The following ADAMTSL1 variants were observed in gnomAD, a reference collection of about 807,000 sequenced individuals.
The protein encoded by ADAMTSL1 is ADAMTS-like protein 1.
A neutral mutation model predicts 201.8 loss-of-function variants in ADAMTSL1; 126 were observed. That is an observed-to-expected ratio of 0.62 (90% confidence interval 0.54 to 0.72). The LOEUF (loss-of-function observed/expected upper bound fraction) is 0.72, where lower values mean the gene tolerates loss of function less well. Ranked by LOEUF, ADAMTSL1 falls within the 30% of genes least tolerant of loss-of-function variation. ADAMTSL1 has a pLI of 0.00. For missense variants in ADAMTSL1, 2,679 were observed against 2,277.8 expected (o/e 1.18, Z -3.59); for synonymous variants, 1,121 against 903.4 (o/e 1.24, Z -4.32).
rs371891851 is a variant in ADAMTSL1 at position 18,609,713 on chromosome 9, T to TC, written c.475-12522dup. Among the ~76,000 whole-genome samples the TC allele has an allele frequency of 6.1e-4, 93 of 151,340 alleles. 1 individual carries two copies. Among genetic ancestry groups the TC allele is most frequent in the South Asian group, 2.5e-3 (12 of 4,776 alleles). ...CTGCTATTTGCACAGTGACTACATA[T>TC]CCCCCCCCTAAAATAATCAACACAC... On this transcript the variant is annotated intron_variant, in intron 4 of 28. Coordinates refer to ENST00000380548, the MANE Select transcript of ADAMTSL1 (RefSeq NM_001040272.6).
chr9:17,946,791 T>G (rs138635410), intron 1 of ADAMTSL1, among the ~76,000 whole-genome samples: 3 of 152,286 alleles, frequency 2.0e-5, no homozygotes, highest in Non-Finnish European at 4.4e-5. Context: ...GTCTTCCTGT[T>G]TATAAGCTGT....
At chr9:18,284,386 A>G (rs1459879047) in intron 2 of ADAMTSL1, among the ~76,000 whole-genome samples, 3 of 151,986 alleles carry the variant, frequency 2.0e-5, no homozygotes, top group Non-Finnish European at 4.4e-5. Context: ...TAGCAGTTAA[A>G]TTTTTTCTAC....
chr9:18,454,924 A>G (rs187468924), intron 2 of ADAMTSL1, among the ~76,000 whole-genome samples: 32 of 152,294 alleles, frequency 2.1e-4, no homozygotes, highest in African/African-American at 7.5e-4. Flanking sequence ...TTATTGCTCC[A>G]CATATGGAGG....
intron 23 of ADAMTSL1, among the ~76,000 whole-genome samples, chr9:18,848,485 T>C (rs1213448287): frequency 3.3e-5 from 5 of 152,200 alleles, no homozygotes; most frequent in African/African-American, 4.8e-5. Context: ...AATTCCTTTG[T>C]TCCAGTCAAA....
At chr9:18,444,461 A>T (rs1256191774) in intron 2 of ADAMTSL1, among the ~76,000 whole-genome samples, 2 of 152,182 alleles carry the variant, frequency 1.3e-5, no homozygotes, top group Non-Finnish European at 2.9e-5. Context: ...GTTGACTTAC[A>T]TGTGAACAAA....
rs182641842 is a variant in ADAMTSL1 at position 18,574,179 on chromosome 9, C to T, written c.387C>T (p.Thr129=). 108 of 1,614,112 alleles carry T rather than the reference C, an allele frequency of 6.7e-5. No individual in the cohort carries two copies. In the Admixed American group the frequency reaches 1.7e-3, roughly 26 times the overall value. ...TCAAGTGCCAAGCCAAAGGAACAAC[C>T]CTGGTTGTTGAACTAGCACCTAAGG... The part of the protein sequence containing the change: ...CSLKCQAKGT[T]LVVELAPKVL... The change falls in exon 4 of 29, where the codon ACC becomes ACT. Residue 129 remains threonine (T), a synonymous_variant. Transcript: ENST00000380548.
intron 1 of ADAMTSL1, among the ~76,000 whole-genome samples, chr9:18,484,990 A>T (rs886616846): frequency 6.6e-6 from 1 of 152,230 alleles, no homozygotes; most frequent in African/African-American, 2.4e-5. Flanking sequence ...TCAATGAAAT[A>T]ACATTAGTTA....
At chr9:18,483,493 C>A (rs974103854) in intron 1 of ADAMTSL1, among the ~76,000 whole-genome samples, 6 of 152,032 alleles carry the variant, frequency 3.9e-5, no homozygotes, top group Non-Finnish European at 8.8e-5. Context: ...CGGAAGAAAC[C>A]AAGGATCGAA....
Position 18,593,069 on chromosome 9 carries a change from A to G in ADAMTSL1, c.474+18803A>G, listed in dbSNP as rs370820804. Among the ~76,000 whole-genome samples, 63 of 152,270 alleles carry G rather than the reference A, an allele frequency of 4.1e-4. 1 individual carries two copies. The South Asian group carries it at 0.013, about 31-fold the overall frequency. On this transcript the variant is annotated intron_variant, in intron 4 of 28. Transcript: ENST00000380548. Reference sequence around the variant, plus strand: ...GCTGATTTTTATACATTAATTTTGTATCTGGCAACTTTGCTGAATTTGTTT... The same window carrying G: ...GCTGATTTTTATACATTAATTTTGTGTCTGGCAACTTTGCTGAATTTGTTT...
chr9:18,128,237 C>A (rs1398130364), intron 1 of ADAMTSL1, among the ~76,000 whole-genome samples: 2 of 152,104 alleles, frequency 1.3e-5, no homozygotes, highest in Admixed American at 6.5e-5. Flanking sequence ...CAGAAAATTG[C>A]ATTTTATTTC....
At chr9:18,526,291 G>A (rs1006627037) in intron 2 of ADAMTSL1, among the ~76,000 whole-genome samples, 11 of 152,234 alleles carry the variant, frequency 7.2e-5, no homozygotes, top group South Asian at 2.1e-4. Flanking sequence ...CATTTGCCGC[G>A]TAGATCTTCC....
chr9:18,722,994 A>G (rs1195071332), intron 15 of ADAMTSL1: 1 of 777,400 alleles, frequency 1.3e-6, no homozygotes, highest in Non-Finnish European at 2.4e-6. Context: ...TTTCTATTTG[A>G]CTACAGTCCT....
chr9:18,467,380 A>G (rs1000347992), intron 2 of ADAMTSL1, among the ~76,000 whole-genome samples: 8 of 152,220 alleles, frequency 5.3e-5, no homozygotes, highest in Admixed American at 1.3e-4. Context: ...AGTGGAAGAA[A>G]TCAGAAATGA....
chr9:18,281,928 T>C (rs1214716655), intron 2 of ADAMTSL1, among the ~76,000 whole-genome samples: 3 of 152,214 alleles, frequency 2.0e-5, no homozygotes, highest in Non-Finnish European at 4.4e-5. Context: ...TATTTTCTTA[T>C]TTCTTCTTTG....
chr9:18,130,770 C>T (rs1825918473), intron 1 of ADAMTSL1, among the ~76,000 whole-genome samples: 1 of 152,118 alleles, frequency 6.6e-6, no homozygotes, highest in Admixed American at 6.5e-5. Context: ...GTTGCCTCCT[C>T]CAACTCCCTT....
chr9:18,412,365 A>C (rs2133319163), intron 2 of ADAMTSL1, among the ~76,000 whole-genome samples: 1 of 152,258 alleles, frequency 6.6e-6, no homozygotes, highest in Middle Eastern at 3.4e-3. Context: ...TCATTTACCT[A>C]ATGGTTTTAG....
chr9:18,523,612 T>G (rs1161467870), intron 2 of ADAMTSL1, among the ~76,000 whole-genome samples: 7 of 151,422 alleles, frequency 4.6e-5, no homozygotes, highest in Admixed American at 6.6e-5. Flanking sequence ...TTGAATTAAT[T>G]TTTGTATAAG....
chr9:18,008,221 C>G (rs954396746), intron 1 of ADAMTSL1, among the ~76,000 whole-genome samples: 1 of 151,912 alleles, frequency 6.6e-6, no homozygotes, highest in African/African-American at 2.4e-5. Flanking sequence ...AGATGTTTAA[C>G]CAGTCTGTGA....
chr9:18,216,874 C>T (rs938669876), intron 2 of ADAMTSL1, among the ~76,000 whole-genome samples: 6 of 152,190 alleles, frequency 3.9e-5, no homozygotes, highest in Admixed American at 6.5e-5. Context: ...ACACCAGCTA[C>T]GTTGAAATCC....
Sources: gnomAD v4.1 joint callset for allele counts (sites outside exome capture counted in the v4.1 genomes callset) on GRCh38, gnomAD v4.1.1 for gene constraint, MANE v1.5 for transcripts, NCBI Gene and HGNC (gene_info 2026-07-23, HGNC 2026-07-21) for gene names.